Variants in HPSE2 observed in about 807,000 individuals in gnomAD.
The protein encoded by HPSE2 is heparanase 2 (inactive).
A neutral mutation model predicts 60.5 loss-of-function variants in HPSE2; 38 were observed. The observed-to-expected ratio is 0.63, with a 90% CI of 0.48 to 0.82. HPSE2 has a LOEUF of 0.82. Ranked by LOEUF, HPSE2 falls within the 40% of genes least tolerant of loss-of-function variation. The pLI is 0.00. For missense variants in HPSE2, 713 were observed against 740.4 expected (o/e 0.96, Z 0.43); for synonymous variants, 295 against 293.2 (o/e 1.01, Z -0.06).
At chr10:99,241,620 T>C in the HPSE2 span, among the ~76,000 whole-genome samples, 1 of 152,122 alleles carries the variant, frequency 6.6e-6, no homozygotes, top group Non-Finnish European at 1.5e-5. Context: ...TATCCGGGTA[T>C]GGTGGCACAT....
At chr10:98,822,646 C>T (rs547468747) in intron 3 of HPSE2, among the ~76,000 whole-genome samples, 1 of 152,110 alleles carries the variant, frequency 6.6e-6, no homozygotes, top group African/African-American at 2.4e-5. Flanking sequence ...AAACAGAAAA[C>T]AAAACCCATA....
At chr10:99,059,890 A>C (rs1181891065) in intron 3 of HPSE2, among the ~76,000 whole-genome samples, 1 of 152,142 alleles carries the variant, frequency 6.6e-6, no homozygotes, top group Non-Finnish European at 1.5e-5. Flanking sequence ...CATACAAAAG[A>C]GTAATATAAT....
intron 3 of HPSE2, among the ~76,000 whole-genome samples, chr10:99,018,060 C>T (rs191421412): frequency 6.6e-6 from 1 of 152,336 alleles, no homozygotes; most frequent in East Asian, 1.9e-4. Context: ...TACCACCTAA[C>T]AGTTCATGAA....
At chr10:99,202,019 A>G (rs1305250534) in intron 2 of HPSE2, among the ~76,000 whole-genome samples, 3 of 152,230 alleles carry the variant, frequency 2.0e-5, no homozygotes, top group Admixed American at 6.5e-5. Context: ...AAACGAGATC[A>G]CTGGAAGAGC....
At chr10:98,958,554 TAAA>T (rs1955567038) in intron 3 of HPSE2, among the ~76,000 whole-genome samples, 1 of 152,168 alleles carries the variant, frequency 6.6e-6, no homozygotes, top group Non-Finnish European at 1.5e-5. Context: ...TCTCATTTAA[TAAA>T]AATAACCTTA....
intron 2 of HPSE2, among the ~76,000 whole-genome samples, chr10:99,218,181 G>T (rs1849197382): frequency 6.6e-6 from 1 of 151,736 alleles, no homozygotes; most frequent in Non-Finnish European, 1.5e-5. Flanking sequence ...CTACAGGTAA[G>T]TAACTGCCAC....
intron 9 of HPSE2, among the ~76,000 whole-genome samples, chr10:98,520,408 T>C (rs1591306423): frequency 6.6e-6 from 1 of 152,312 alleles, no homozygotes; most frequent in Non-Finnish European, 1.5e-5. Context: ...ACAGAGAGAC[T>C]TACAAACCAT....
At chr10:98,897,096 ATGT>A (rs1202726967) in intron 3 of HPSE2, among the ~76,000 whole-genome samples, 1 of 152,182 alleles carries the variant, frequency 6.6e-6, no homozygotes, top group Non-Finnish European at 1.5e-5. Context: ...GGAAAACCAA[ATGT>A]TGTATGTTCT....
chr10:98,853,503 G>A (rs1025805811), intron 3 of HPSE2, among the ~76,000 whole-genome samples: 2 of 150,496 alleles, frequency 1.3e-5, no homozygotes, highest in African/African-American at 2.4e-5. Flanking sequence ...TTTTTATCTT[G>A]TCTCCTTATC....
At chr10:98,600,909 G>GTA (rs1397927513) in intron 9 of HPSE2, among the ~76,000 whole-genome samples, 43 of 88,484 alleles carry the variant, frequency 4.9e-4, no homozygotes, top group Admixed American at 8.4e-4. Context: ...ATATGTGTGT[G>GTA]TGTATATATA....
At chr10:98,625,651 T>A (rs1946187168) in intron 7 of HPSE2, among the ~76,000 whole-genome samples, 1 of 152,170 alleles carries the variant, frequency 6.6e-6, no homozygotes, top group African/African-American at 2.4e-5. Context: ...AAAGAACGTA[T>A]AATATAACCA....
At chr10:99,046,145 C>T (rs1957849584) in intron 3 of HPSE2, among the ~76,000 whole-genome samples, 1 of 152,138 alleles carries the variant, frequency 6.6e-6, no homozygotes, top group South Asian at 2.1e-4. Context: ...ATCAAGTAAG[C>T]TTTAATTCCT....
chr10:99,257,172 G>T, the HPSE2 span, among the ~76,000 whole-genome samples: 2 of 152,118 alleles, frequency 1.3e-5, no homozygotes, highest in Non-Finnish European at 2.9e-5. Context: ...ACACTGTGAT[G>T]ATTGCGTTAA....
chr10:99,150,883 A>G (rs1206148332), intron 2 of HPSE2, among the ~76,000 whole-genome samples: 1 of 152,244 alleles, frequency 6.6e-6, no homozygotes, highest in Non-Finnish European at 1.5e-5. Context: ...CAATCCACAG[A>G]GAAATCCATC....
At chr10:98,724,991 A>G (rs1949033444) in intron 4 of HPSE2, among the ~76,000 whole-genome samples, 2 of 152,178 alleles carry the variant, frequency 1.3e-5, no homozygotes, top group Non-Finnish European at 2.9e-5. Context: ...ATAAAAGACG[A>G]TACAAACAAA....
chr10:98,915,068 T>C (rs893915188), intron 3 of HPSE2, among the ~76,000 whole-genome samples: 3 of 151,942 alleles, frequency 2.0e-5, no homozygotes, highest in Admixed American at 6.6e-5. Flanking sequence ...TTTGATGATA[T>C]AATTATTTTT....
the HPSE2 span, among the ~76,000 whole-genome samples, chr10:99,309,910 C>T: frequency 3.3e-5 from 5 of 152,286 alleles, no homozygotes; most frequent in Admixed American, 3.3e-4. Context: ...ATTACCACAG[C>T]CTTAGTGGCT....
chr10:99,049,376 G>A (rs577038974), intron 3 of HPSE2, among the ~76,000 whole-genome samples: 1 of 152,138 alleles, frequency 6.6e-6, no homozygotes, highest in Non-Finnish European at 1.5e-5. Context: ...GGGGCTGAAA[G>A]TATCTCCAAA....
intron 4 of HPSE2, 63 bp from the exon 5 acceptor site, chr10:98,721,891 G>C (rs1400768868): frequency 3.8e-6 from 5 of 1,306,322 alleles, no homozygotes; most frequent in South Asian, 2.4e-5. Flanking sequence ...ACACTTTCCT[G>C]TCCACAGATC....
Sources: gnomAD v4.1 joint callset for allele counts (sites outside exome capture counted in the v4.1 genomes callset) on GRCh38, gnomAD v4.1.1 for gene constraint, MANE v1.5 for transcripts, NCBI Gene and HGNC (gene_info 2026-07-23, HGNC 2026-07-21) for gene names.